Variants in COL26A1 observed in about 807,000 individuals in gnomAD.
COL26A1 encodes the protein collagen type XXVI alpha 1 chain.
Under a neutral mutation model 59.3 loss-of-function variants are expected in COL26A1, and 41 were observed. The observed-to-expected ratio is 0.69, with a 90% confidence interval of 0.54 to 0.90. COL26A1 has a LOEUF of 0.90. Among genes scored for constraint, COL26A1 ranks in the 40% least tolerant of loss-of-function variants. The pLI is 0.00. For missense variants in COL26A1, 612 were observed against 602.3 expected, an observed-to-expected ratio of 1.02 and a Z score of -0.17; for synonymous variants, 266 against 256.0, an observed-to-expected ratio of 1.04 and a Z score of -0.37.
At chr7:101,387,778 A>ATATATATTTT (rs773025730) in intron 1 of COL26A1, among the ~76,000 whole-genome samples, 47 of 84,796 alleles carry the variant, frequency 5.5e-4, no homozygotes, top group African/African-American at 2.3e-3. Flanking sequence ...ATATATATAT[A>ATATATATTTT]TTTTTTTTTA....
chr7:101,440,137 G>A (rs994589222), intron 2 of COL26A1, among the ~76,000 whole-genome samples: 1 of 151,962 alleles, frequency 6.6e-6, no homozygotes, highest in Non-Finnish European at 1.5e-5. Context: ...AGGTCAAAGT[G>A]GGCAGATCAC....
At chr7:101,379,762 G>C (rs571383111) in intron 1 of COL26A1, among the ~76,000 whole-genome samples, 1 of 152,268 alleles carries the variant, frequency 6.6e-6, no homozygotes, top group Admixed American at 6.5e-5. Context: ...ATGGAGATGA[G>C]AGTGACCTCT....
At chr7:101,527,380 T>C (rs1466746377) in intron 3 of COL26A1, among the ~76,000 whole-genome samples, 1 of 152,120 alleles carries the variant, frequency 6.6e-6, no homozygotes, top group Non-Finnish European at 1.5e-5. Flanking sequence ...CAGACTGGAG[T>C]GCAGTGGCAC....
intron 3 of COL26A1, among the ~76,000 whole-genome samples, chr7:101,475,744 C>A (rs1417657969): frequency 6.7e-6 from 1 of 150,342 alleles, no homozygotes; most frequent in South Asian, 2.1e-4. Flanking sequence ...CCTTTCCTTC[C>A]TTCCTTCCTT....
At chr7:101,390,596 T>A (rs974023582) in intron 1 of COL26A1, among the ~76,000 whole-genome samples, 7 of 152,176 alleles carry the variant, frequency 4.6e-5, no homozygotes, top group Admixed American at 3.9e-4. Context: ...TGGCTACTTT[T>A]TAAATTTTTT....
intron 1 of COL26A1, among the ~76,000 whole-genome samples, chr7:101,404,396 C>T (rs1792079871): frequency 6.6e-6 from 1 of 152,130 alleles, no homozygotes; most frequent in African/African-American, 2.4e-5. Flanking sequence ...GAATGTGAGA[C>T]CGGGAGACAC....
In COL26A1 at chr7:101,532,181, G is replaced by A. The variant is rs368822352; in HGVS notation, c.386-901G>A. ...CATAAAAAGGTAATTACAGCCCAGA[G>A]AGATGTGCTCTTGGGCGGGGTCAGC... On this transcript the variant is annotated intron_variant, in intron 3 of 12. Coordinates refer to ENST00000313669, the MANE Select transcript of COL26A1 (RefSeq NM_001278563.3). Among the ~76,000 whole-genome samples, 80 of 152,292 alleles carry A rather than the reference G, an allele frequency of 5.3e-4. No homozygotes were observed. The Middle Eastern group carries it at 0.034, about 65-fold the overall frequency.
At chr7:101,376,178 G>A (rs1791315119) in intron 1 of COL26A1, among the ~76,000 whole-genome samples, 2 of 151,016 alleles carry the variant, frequency 1.3e-5, no homozygotes, top group African/African-American at 2.4e-5. Context: ...CAGGTGTGGT[G>A]TTGAATGCTT....
intron 9 of COL26A1, among the ~76,000 whole-genome samples, chr7:101,550,760 G>A (rs1795843152): frequency 6.6e-6 from 1 of 152,140 alleles, no homozygotes; most frequent in South Asian, 2.1e-4. Flanking sequence ...CGTCTGGGCT[G>A]ACATCAGCAC....
intron 1 of COL26A1, among the ~76,000 whole-genome samples, chr7:101,399,733 A>G (rs992693965): frequency 1.3e-5 from 2 of 152,244 alleles, no homozygotes; most frequent in African/African-American, 4.8e-5. Context: ...TGCTAGGATT[A>G]CAGGCGTGAG....
intron 3 of COL26A1, among the ~76,000 whole-genome samples, chr7:101,504,628 C>T (rs970101947): frequency 3.9e-5 from 6 of 152,208 alleles, no homozygotes; most frequent in East Asian, 1.9e-4. Context: ...CCTCTGCCTC[C>T]GCCATCTCAT....
intron 1 of COL26A1, among the ~76,000 whole-genome samples, chr7:101,400,642 T>G (rs1791975313): frequency 2.0e-5 from 3 of 152,192 alleles, no homozygotes; most frequent in Admixed American, 2.0e-4. Context: ...CACTGCAACC[T>G]CTGCCTCCCA....
chr7:101,533,695 A>G (rs1215562776), intron 4 of COL26A1, among the ~76,000 whole-genome samples: 1 of 152,168 alleles, frequency 6.6e-6, no homozygotes, highest in East Asian at 1.9e-4. Flanking sequence ...TATGCCCAGT[A>G]CAGGTGTGTT....
At chr7:101,547,365 TG>T (rs1795760255) in intron 8 of COL26A1, 126 bp downstream of exon 8, 2 of 599,246 alleles carry the variant, frequency 3.3e-6, no homozygotes, top group Non-Finnish European at 5.9e-6. Flanking sequence ...TGCTGGGGAC[TG>T]GGTCTGTCCC....
chr7:101,389,059 C>G (rs1049381844), intron 1 of COL26A1: 6 of 235,862 alleles, frequency 2.5e-5, no homozygotes, highest in Non-Finnish European at 5.0e-5. Context: ...CCAGAATCAG[C>G]CTTCTTGGCT....
At chr7:101,431,936 C>T (rs1275092780) in intron 2 of COL26A1, among the ~76,000 whole-genome samples, 1 of 150,786 alleles carries the variant, frequency 6.6e-6, no homozygotes, top group Non-Finnish European at 1.5e-5. Context: ...AGACTACAGG[C>T]GTACACCACC....
intron 2 of COL26A1, among the ~76,000 whole-genome samples, chr7:101,428,787 C>T (rs1020642591): frequency 6.6e-6 from 1 of 152,044 alleles, no homozygotes; most frequent in African/African-American, 2.4e-5. Flanking sequence ...AGATTACAGG[C>T]ATGAGCCACC....
intron 3 of COL26A1, among the ~76,000 whole-genome samples, chr7:101,475,357 G>C (rs2130475324): frequency 1.3e-5 from 2 of 151,938 alleles, no homozygotes; most frequent in South Asian, 4.1e-4. Flanking sequence ...TACTTTAGAG[G>C]AAAGTCAGAG....
At chr7:101,547,572 G>A (rs144090414) in intron 8 of COL26A1, among the ~76,000 whole-genome samples, 151 of 152,352 alleles carry the variant, frequency 9.9e-4, no homozygotes, top group Non-Finnish European at 1.8e-3. Flanking sequence ...TACCTTTGAG[G>A]CAGAAACCAA....
Sources: gnomAD v4.1 joint callset for allele counts (sites outside exome capture counted in the v4.1 genomes callset) on GRCh38, gnomAD v4.1.1 for gene constraint, MANE v1.5 for transcripts, NCBI Gene and HGNC (gene_info 2026-07-23, HGNC 2026-07-21) for gene names.